Variants in LARGE1 observed in about 807,000 individuals in gnomAD.
LARGE1 encodes LARGE xylosyl- and glucuronyltransferase 1.
LARGE1 carries 43 observed loss-of-function variants against 87.6 expected under a neutral mutation model. The ratio of observed to expected loss-of-function variants is 0.49; its 90% CI spans 0.38 to 0.63. LARGE1 has a LOEUF of 0.63. Ranked by LOEUF, LARGE1 falls within the 30% of genes least tolerant of loss-of-function variation. The pLI is 0.00. For synonymous variants in LARGE1, 434 were observed against 394.6 expected, an observed-to-expected ratio of 1.10 and a Z score of -1.18; for missense variants, 802 against 1,000.2, an observed-to-expected ratio of 0.80 and a Z score of 2.67.
At chr22:33,368,725 T>C (rs113434153) in intron 9 of LARGE1, among the ~76,000 whole-genome samples, 1,778 of 152,198 alleles carry the variant, frequency 0.012, 22 homozygotes, top group African/African-American at 0.035. Flanking sequence ...CAGACTACTG[T>C]AATAAAGTGA....
intron 6 of LARGE1, among the ~76,000 whole-genome samples, chr22:33,514,238 TACATCTCACATAGCTTTC>T (rs2071189354): frequency 6.6e-6 from 1 of 151,536 alleles, no homozygotes; most frequent in African/African-American, 2.4e-5. Flanking sequence ...TGTGTGTGTA[TACATCTCACATAGCTTTC>T]TTTCAGTCGG....
chr22:33,597,088 C>G (rs983740449), intron 5 of LARGE1, among the ~76,000 whole-genome samples: 1 of 152,108 alleles, frequency 6.6e-6, no homozygotes, highest in African/African-American at 2.4e-5. Flanking sequence ...TGGAGCTGCT[C>G]CAGCCTTATG....
intron 6 of LARGE1, among the ~76,000 whole-genome samples, chr22:33,455,466 G>A (rs575776531): frequency 1.3e-5 from 2 of 152,196 alleles, no homozygotes; most frequent in South Asian, 4.2e-4. Flanking sequence ...AGACCATGGT[G>A]AGCTGCTAAA....
chr22:33,901,315 G>A (rs2065276975), intron 1 of LARGE1, among the ~76,000 whole-genome samples: 1 of 152,118 alleles, frequency 6.6e-6, no homozygotes, highest in Non-Finnish European at 1.5e-5. Context: ...GACAATTAAT[G>A]TCTGTTGTTT....
chr22:33,093,113 G>C, the LARGE1 span, among the ~76,000 whole-genome samples: 1 of 152,138 alleles, frequency 6.6e-6, no homozygotes, highest in Non-Finnish European at 1.5e-5. Context: ...TTTCACCCAG[G>C]AGAGTGAGCT....
intron 6 of LARGE1, among the ~76,000 whole-genome samples, chr22:33,542,411 C>T (rs1178679786): frequency 6.6e-6 from 1 of 151,818 alleles, no homozygotes; most frequent in Non-Finnish European, 1.5e-5. Context: ...GTGTTTCATG[C>T]CGGATATAAA....
the LARGE1 span, among the ~76,000 whole-genome samples, chr22:33,082,514 A>G: frequency 2.0e-5 from 3 of 152,036 alleles, no homozygotes; most frequent in Admixed American, 1.3e-4. Context: ...TCTGCTATTG[A>G]TTTTCTTGTG....
intron 2 of LARGE1, among the ~76,000 whole-genome samples, chr22:33,710,142 G>A (rs1479896564): frequency 6.6e-6 from 1 of 151,336 alleles, no homozygotes; most frequent in Non-Finnish European, 1.5e-5. Context: ...CAAAGAAGCA[G>A]AAGACAATAG....
intron 2 of LARGE1, among the ~76,000 whole-genome samples, chr22:33,752,771 G>A (rs1253062834): frequency 6.6e-6 from 1 of 152,208 alleles, no homozygotes; most frequent in Non-Finnish European, 1.5e-5. Flanking sequence ...TGGTATGGAA[G>A]GCGGAAAAAT....
At chr22:33,436,722 G>C (rs2067284911) in intron 6 of LARGE1, 1 of 152,540 alleles carries the variant, frequency 6.6e-6, no homozygotes, top group Non-Finnish European at 1.5e-5. Flanking sequence ...CTCTTCCTCT[G>C]TCCCTTCTTC....
chr22:33,598,644 T>C (rs2079039894), intron 5 of LARGE1, among the ~76,000 whole-genome samples: 1 of 152,070 alleles, frequency 6.6e-6, no homozygotes, highest in African/African-American at 2.4e-5. Flanking sequence ...TGTTCTTGTG[T>C]TAGTTTGCTG....
intron 7 of LARGE1, among the ~76,000 whole-genome samples, chr22:33,407,202 G>A (rs889019356): frequency 1.3e-5 from 2 of 152,206 alleles, no homozygotes; most frequent in Non-Finnish European, 2.9e-5. Context: ...AGGCTGGAGT[G>A]CAGTGGCTAT....
At chr22:33,262,566 C>T (rs1320243101) in intron 11 of LARGE1, among the ~76,000 whole-genome samples, 1 of 152,112 alleles carries the variant, frequency 6.6e-6, no homozygotes, top group African/African-American at 2.4e-5. Context: ...TCAGTGCCCC[C>T]ACCTGTCAAT....
intron 11 of LARGE1, among the ~76,000 whole-genome samples, chr22:33,244,011 C>T (rs372286664): frequency 2.5e-4 from 38 of 152,126 alleles, no homozygotes; most frequent in South Asian, 4.2e-4. Flanking sequence ...TGTTTTGAGG[C>T]GGAGTCTTGC....
intron 1 of LARGE1, among the ~76,000 whole-genome samples, chr22:33,853,991 G>A (rs140290090): frequency 1.4e-3 from 210 of 152,174 alleles, no homozygotes; most frequent in African/African-American, 4.8e-3. Flanking sequence ...GGGCAGGCTC[G>A]TGGCCAGCCA....
At chr22:33,648,713 A>G (rs2149173834) in intron 3 of LARGE1, among the ~76,000 whole-genome samples, 1 of 152,330 alleles carries the variant, frequency 6.6e-6, no homozygotes, top group Non-Finnish European at 1.5e-5. Flanking sequence ...GTTGTCAAAG[A>G]CTAAAGGGCA....
chr22:33,720,970 G>A (rs2083078444), intron 2 of LARGE1, among the ~76,000 whole-genome samples: 1 of 152,190 alleles, frequency 6.6e-6, no homozygotes, highest in African/African-American at 2.4e-5. Flanking sequence ...AATTTTTGGG[G>A]TCCTTAGTGC....
intron 1 of LARGE1, among the ~76,000 whole-genome samples, chr22:33,898,585 T>C (rs978280537): frequency 4.6e-5 from 7 of 152,148 alleles, no homozygotes; most frequent in Non-Finnish European, 7.4e-5. Flanking sequence ...GGAAACTCTT[T>C]CTCTACTAAA....
At chr22:33,314,282 C>T (rs1260952789) in intron 11 of LARGE1, among the ~76,000 whole-genome samples, 2 of 152,254 alleles carry the variant, frequency 1.3e-5, no homozygotes, top group African/African-American at 4.8e-5. Flanking sequence ...TCTTTTGGAG[C>T]CTGTGAATCC....
Sources: gnomAD v4.1 joint callset for allele counts (sites outside exome capture counted in the v4.1 genomes callset) on GRCh38, gnomAD v4.1.1 for gene constraint, MANE v1.5 for transcripts, NCBI Gene and HGNC (gene_info 2026-07-23, HGNC 2026-07-21) for gene names.